The following KAT6A variants were observed in gnomAD, a reference collection of about 807,000 sequenced individuals.
KAT6A encodes the protein lysine acetyltransferase 6A.
Under a neutral mutation model 198.4 loss-of-function variants are expected in KAT6A, and 9 were observed. The ratio of observed to expected loss-of-function variants is 0.05; its 90% confidence interval spans 0.03 to 0.08. KAT6A has a LOEUF of 0.08. KAT6A is among the 10% of genes least tolerant of loss of function. KAT6A has a pLI of 1.00. For synonymous variants in KAT6A, 890 were observed against 883.0 expected (o/e 1.01, Z -0.14); for missense variants, 2,077 against 2,509.9 (o/e 0.83, Z 3.69).
At chr8:41,957,346 G>A (rs1473572496) in intron 8 of KAT6A, 2 of 539,684 alleles carry the variant, frequency 3.7e-6, no homozygotes, top group Non-Finnish European at 3.8e-6. Context: ...CGAAGATTTA[G>A]AAATCAGCAA....
In KAT6A at chr8:41,947,902, T is replaced by C; in HGVS notation, c.1751A>G (p.Asn584Ser). 4.4e-6 allele frequency: 7 copies of C among 1,599,322 alleles called. No homozygotes were observed. Among genetic ancestry groups the C allele is most frequent in the East Asian group, 2.2e-5 (1 of 44,740 alleles). Residue 584 changes from asparagine to serine, a missense_variant, in exon 11 of 17, where the codon AAT becomes AGT. By Grantham distance (46) the Asn-to-Ser change is conservative (BLOSUM62 1). This residue lies in a region of KAT6A where 46 missense variants were observed against 88.2 expected (regional missense o/e 0.52). Transcript: ENST00000265713. ...GTTTTGACAATAAATGGTACTCACA[T>C]TCCCATCAACCTAGAGAAATAAACA... ...NNISVFEVDGNVSTIYCQNLC... is the reference protein window; with the variant it reads ...NNISVFEVDGSVSTIYCQNLC...
chr8:41,953,674 A>G (rs1306252720), intron 9 of KAT6A, among the ~76,000 whole-genome samples: 2 of 152,076 alleles, frequency 1.3e-5, no homozygotes, highest in East Asian at 3.8e-4. Context: ...GGGTTTCGCC[A>G]TGTTGGCCAG....
At chr8:41,937,663 A>G in intron 15 of KAT6A, 95 bp from the exon 16 acceptor site, 1 of 957,142 alleles carries the variant, frequency 1.0e-6, no homozygotes, top group Non-Finnish European at 1.5e-6. Flanking sequence ...GAATTAGCAC[A>G]TATAAAATGA....
intron 1 of KAT6A, among the ~76,000 whole-genome samples, chr8:42,051,404 ACCCGAG>A (rs917231245): frequency 1.3e-5 from 2 of 150,448 alleles, no homozygotes; most frequent in Non-Finnish European, 3.0e-5. Flanking sequence ...CGGAGCCGGA[ACCCGAG>A]CCCGAGCCCG....
At chr8:41,989,560 C>CGTGAT (rs1824819109) in intron 2 of KAT6A, among the ~76,000 whole-genome samples, 1 of 151,844 alleles carries the variant, frequency 6.6e-6, no homozygotes, top group Non-Finnish European at 1.5e-5. Context: ...CGTGACGTGA[C>CGTGAT]GTAACATAAC....
intron 2 of KAT6A, among the ~76,000 whole-genome samples, chr8:42,030,385 G>C (rs1175306445): frequency 6.6e-6 from 1 of 152,064 alleles, no homozygotes; most frequent in African/African-American, 2.4e-5. Context: ...TGCCTCAGAG[G>C]TTCCTCATCC....
rs1489267441 is a variant in KAT6A, at chr8:41,934,831, T to C, written c.3389A>G (p.Lys1130Arg). Residue 1130 changes from lysine to arginine, a missense_variant, in exon 17 of 17, where the codon AAA becomes AGA. Physicochemically the swap from Lys to Arg is conservative, Grantham distance 26 (BLOSUM62 2). Transcript: ENST00000265713. The part of the protein sequence containing the change: ...PILKPVSLLR[K>R]RDVKNSPLEP... ...AAGAGGAGAATTCTTCACATCACGT[T>C]TTCGCAAAAGAGATACTGGCTTTAA... The C allele has an allele frequency of 1.9e-6, 3 of 1,612,718 alleles. No homozygotes were observed. In the South Asian group the frequency reaches 3.3e-5, roughly 18 times the overall value.
intron 2 of KAT6A, among the ~76,000 whole-genome samples, chr8:42,003,042 G>A (rs771098806): frequency 6.6e-6 from 1 of 152,238 alleles, no homozygotes; most frequent in East Asian, 1.9e-4. Context: ...ATGATGTGGG[G>A]CTCAGATTCT....
At chr8:41,973,283 T>G (rs1823889225) in intron 8 of KAT6A, among the ~76,000 whole-genome samples, 2 of 151,780 alleles carry the variant, frequency 1.3e-5, no homozygotes, top group Admixed American at 1.3e-4. Flanking sequence ...TGGAGTGGTG[T>G]GGCACGATCT....
chr8:41,953,830 C>T (rs116558284), intron 9 of KAT6A, among the ~76,000 whole-genome samples: 1,837 of 152,244 alleles, frequency 0.012, 39 homozygotes, highest in South Asian at 0.082. Flanking sequence ...TTAACTTGAA[C>T]GCTGAGTTCT....
intron 5 of KAT6A, among the ~76,000 whole-genome samples, chr8:41,979,223 G>A (rs1824223112): frequency 6.6e-6 from 1 of 152,168 alleles, no homozygotes; most frequent in African/African-American, 2.4e-5. Context: ...AGCCGAGATT[G>A]CACCACTGCA....
In KAT6A at chr8:41,932,506, G is replaced by A; in HGVS notation, c.5714C>T (p.Pro1905Leu). The A allele has an allele frequency of 6.2e-7, 1 of 1,614,258 alleles. No individual in the cohort carries two copies. Among genetic ancestry groups the A allele is most frequent in the Non-Finnish European group, 8.5e-7 (1 of 1,180,038 alleles). ...RGMNMGVNLM[P>L]TPAYNVNSMN... ...GGAATTGACATTATAGGCGGGAGTAGGCATCAGATTAACCCCCATGTTCAT... is the reference window on the plus strand; with the variant it reads ...GGAATTGACATTATAGGCGGGAGTAAGCATCAGATTAACCCCCATGTTCAT... Residue 1905 changes from proline (P) to leucine (L), a missense_variant, in exon 17 of 17, where the codon CCT becomes CTT. Physicochemically the swap from Pro to Leu is moderately conservative, Grantham distance 98 (BLOSUM62 -3). Transcript: ENST00000265713.
chr8:42,015,307 A>G (rs1826221069), intron 2 of KAT6A, among the ~76,000 whole-genome samples: 1 of 152,242 alleles, frequency 6.6e-6, no homozygotes, highest in Non-Finnish European at 1.5e-5. Context: ...CTGGGGGGAA[A>G]GCAGAACTAG....
At chr8:42,043,134 C>T (rs1827747566) in intron 2 of KAT6A, among the ~76,000 whole-genome samples, 1 of 152,186 alleles carries the variant, frequency 6.6e-6, no homozygotes, top group Non-Finnish European at 1.5e-5. Flanking sequence ...ATTCTGTCTG[C>T]TTTAATCCCC....
intron 4 of KAT6A, 87 bp downstream of exon 4, chr8:41,981,752 A>C: frequency 1.2e-6 from 1 of 804,696 alleles, no homozygotes; most frequent in South Asian, 1.4e-5. Flanking sequence ...AGTGTCTGAA[A>C]AATAACCAGT....
At chr8:42,036,431 T>C (rs775425359) in intron 2 of KAT6A, among the ~76,000 whole-genome samples, 3 of 151,978 alleles carry the variant, frequency 2.0e-5, no homozygotes, top group Non-Finnish European at 2.9e-5. Flanking sequence ...GCCAACATGA[T>C]GAAACCCCGT....
chr8:41,982,752 C>A (rs1824422241), intron 3 of KAT6A, among the ~76,000 whole-genome samples: 1 of 152,118 alleles, frequency 6.6e-6, no homozygotes. Context: ...TCATAATGGT[C>A]CCAAAGCACA....
rs1339545263 is a variant in KAT6A, at chr8:41,937,859, GT to G, written c.3040-292del. ...TCAGTTAAATTTAGCACCCTAGAGAGTTGCCCTGTTTTAATACTGAACTGAC... is the reference window on the plus strand; with the variant it reads ...TCAGTTAAATTTAGCACCCTAGAGAGTGCCCTGTTTTAATACTGAACTGAC... On this transcript the variant is annotated intron_variant, in intron 15 of 16. Transcript: ENST00000265713. Among the ~76,000 whole-genome samples the G allele has an allele frequency of 2.0e-5, 3 of 152,280 alleles. No homozygotes were observed. The East Asian group carries it at 5.8e-4, about 29-fold the overall frequency.
chr8:41,988,625 T>C (rs921529556), intron 2 of KAT6A, among the ~76,000 whole-genome samples: 4 of 152,100 alleles, frequency 2.6e-5, no homozygotes, highest in Non-Finnish European at 5.9e-5. Flanking sequence ...GAACCAAAGC[T>C]AAGGAAATGA....
Sources: gnomAD v4.1 joint callset for allele counts (sites outside exome capture counted in the v4.1 genomes callset) on GRCh38, gnomAD v4.1.1 for gene constraint, gnomAD v4.1.1 regional missense constraint, MANE v1.5 for transcripts, NCBI Gene and HGNC (gene_info 2026-07-23, HGNC 2026-07-21) for gene names.